Variants in MACROD2 observed in about 807,000 individuals in gnomAD.
MACROD2 encodes mono-ADP ribosylhydrolase 2, also known as ADP-ribose glycohydrolase MACROD2.
In MACROD2, 36 loss-of-function variants were observed where a neutral mutation model predicts 70.4. That is an observed-to-expected ratio of 0.51 (90% CI 0.39 to 0.68). The LOEUF (loss-of-function observed/expected upper bound fraction) is 0.68. MACROD2 is among the 30% of genes least tolerant of loss of function. The pLI is 0.00. For synonymous variants in MACROD2, 172 were observed against 178.8 expected (o/e 0.96, Z 0.30); for missense variants, 496 against 538.4 (o/e 0.92, Z 0.78).
chr20:14,777,152 T>C (rs1228579949), intron 5 of MACROD2, among the ~76,000 whole-genome samples: 1 of 152,078 alleles, frequency 6.6e-6, no homozygotes, highest in African/African-American at 2.4e-5. Flanking sequence ...AGTGTACAAA[T>C]GGAAGCATTC....
intron 8 of MACROD2, among the ~76,000 whole-genome samples, chr20:15,778,969 T>G (rs1424473487): frequency 6.6e-6 from 1 of 152,102 alleles, no homozygotes; most frequent in African/African-American, 2.4e-5. Context: ...AAGATTGTAG[T>G]GCTGTGAGTA....
At chr20:15,197,927 ACT>A (rs1298375396) in intron 5 of MACROD2, among the ~76,000 whole-genome samples, 6 of 137,552 alleles carry the variant, frequency 4.4e-5, no homozygotes, top group Non-Finnish European at 7.7e-5. Flanking sequence ...GAACTCCTGG[ACT>A]CAAGCAATTT....
intron 5 of MACROD2, among the ~76,000 whole-genome samples, chr20:14,731,632 A>T (rs2123703370): frequency 6.6e-6 from 1 of 152,228 alleles, no homozygotes; most frequent in Non-Finnish European, 1.5e-5. Context: ...CTAGTATTTA[A>T]AGTGTGGTGT....
At chr20:14,514,852 T>A (rs1303080924) in intron 4 of MACROD2, among the ~76,000 whole-genome samples, 1 of 152,148 alleles carries the variant, frequency 6.6e-6, no homozygotes, top group African/African-American at 2.4e-5. Flanking sequence ...CCATGGTAGA[T>A]TTTCCACTGC....
intron 5 of MACROD2, among the ~76,000 whole-genome samples, chr20:14,912,637 G>T (rs2074041699): frequency 6.6e-6 from 1 of 152,120 alleles, no homozygotes; most frequent in Non-Finnish European, 1.5e-5. Context: ...AACAGGCAGA[G>T]AAATAAGGAA....
At chr20:15,531,315 AAAC>A (rs1403271198) in intron 8 of MACROD2, among the ~76,000 whole-genome samples, 2 of 146,946 alleles carry the variant, frequency 1.4e-5, no homozygotes, top group Non-Finnish European at 3.0e-5. Flanking sequence ...TTAATAACAT[AAAC>A]AAAAATAAAA....
intron 8 of MACROD2, among the ~76,000 whole-genome samples, chr20:15,545,709 C>G (rs2048017137): frequency 6.6e-6 from 1 of 152,114 alleles, no homozygotes; most frequent in South Asian, 2.1e-4. Flanking sequence ...CTTGGAGATG[C>G]ATTTCCCATT....
intron 5 of MACROD2, among the ~76,000 whole-genome samples, chr20:15,170,500 T>TA (rs1249540040): frequency 6.6e-6 from 1 of 152,118 alleles, no homozygotes; most frequent in African/African-American, 2.4e-5. Flanking sequence ...GTGGGCCTGG[T>TA]AGTCAGCAGC....
At chr20:14,744,759 C>G (rs12625134) in intron 5 of MACROD2, among the ~76,000 whole-genome samples, 1 of 152,070 alleles carries the variant, frequency 6.6e-6, no homozygotes, top group Non-Finnish European at 1.5e-5. Context: ...CTGAAGAAAC[C>G]TGAGTTAGCC....
intron 8 of MACROD2, among the ~76,000 whole-genome samples, chr20:15,770,907 T>C (rs1012134275): frequency 5.9e-5 from 9 of 152,160 alleles, no homozygotes; most frequent in African/African-American, 2.2e-4. Flanking sequence ...GTGTCCAATC[T>C]GCTGACATTC....
At chr20:15,498,031 T>A (rs1600497083) in intron 7 of MACROD2, among the ~76,000 whole-genome samples, 1 of 152,340 alleles carries the variant, frequency 6.6e-6, no homozygotes, top group Non-Finnish European at 1.5e-5. Flanking sequence ...AGAAAACGAA[T>A]AGGATTAAAC....
intron 3 of MACROD2, among the ~76,000 whole-genome samples, chr20:14,466,548 T>C (rs1258415905): frequency 6.6e-6 from 1 of 152,168 alleles, no homozygotes; most frequent in African/African-American, 2.4e-5. Context: ...AAAGTCATTT[T>C]CTGTCCAGCT....
chr20:14,306,111 C>G (rs904400126), intron 3 of MACROD2, among the ~76,000 whole-genome samples: 5 of 152,118 alleles, frequency 3.3e-5, no homozygotes, highest in African/African-American at 9.7e-5. Context: ...CAAAAGTGCT[C>G]TGAAGTCAAT....
At chr20:14,382,057 T>G (rs948023844) in intron 3 of MACROD2, among the ~76,000 whole-genome samples, 3 of 122,952 alleles carry the variant, frequency 2.4e-5, no homozygotes, top group Admixed American at 1.1e-4. Context: ...TATAATGGGA[T>G]TGATTTTTTT....
intron 8 of MACROD2, among the ~76,000 whole-genome samples, chr20:15,632,168 A>T (rs191957118): frequency 1.3e-5 from 2 of 151,796 alleles, no homozygotes; most frequent in East Asian, 3.9e-4. Flanking sequence ...TCTTACTCAA[A>T]AAAAAAATAA....
At chr20:15,848,484 C>G (rs2064259907) in intron 8 of MACROD2, among the ~76,000 whole-genome samples, 1 of 152,040 alleles carries the variant, frequency 6.6e-6, no homozygotes, top group Admixed American at 6.6e-5. Context: ...GTGACAAAAC[C>G]CAAATTTAAA....
At chr20:14,771,233 C>A (rs1197301607) in intron 5 of MACROD2, among the ~76,000 whole-genome samples, 1 of 152,070 alleles carries the variant, frequency 6.6e-6, no homozygotes, top group Non-Finnish European at 1.5e-5. Context: ...CAGAACTACA[C>A]TACTAGCTTC....
At chr20:15,410,144 G>A (rs979759064) in intron 6 of MACROD2, among the ~76,000 whole-genome samples, 1 of 152,050 alleles carries the variant, frequency 6.6e-6, no homozygotes, top group Non-Finnish European at 1.5e-5. Context: ...ACACTTTAAA[G>A]CAATAGATGA....
intron 1 of MACROD2, among the ~76,000 whole-genome samples, chr20:14,000,417 C>T (rs2052718012): frequency 6.6e-6 from 1 of 151,856 alleles, no homozygotes; most frequent in African/African-American, 2.4e-5. Context: ...TACATTAATA[C>T]TTCTGTAGTT....
Sources: allele counts gnomAD v4.1 joint callset (sites outside exome capture counted in the v4.1 genomes callset), GRCh38; gene constraint gnomAD v4.1.1; transcripts MANE v1.5; gene names NCBI Gene and HGNC (gene_info 2026-07-23, HGNC 2026-07-21).